Variants in MAP3K1 observed in about 807,000 individuals in gnomAD.
MAP3K1 encodes the protein mitogen-activated protein kinase kinase kinase 1.
A neutral mutation model predicts 144.2 loss-of-function variants in MAP3K1; 36 were observed. That is an observed-to-expected ratio of 0.25 (90% confidence interval 0.19 to 0.33). MAP3K1 has a LOEUF of 0.33. Among genes scored for constraint, MAP3K1 ranks in the 10% least tolerant of loss-of-function variants. MAP3K1 has a pLI of 1.00. For synonymous variants in MAP3K1, 718 were observed against 688.7 expected, an observed-to-expected ratio of 1.04 and a Z score of -0.67; for missense variants, 1,650 against 1,881.9, an observed-to-expected ratio of 0.88 and a Z score of 2.28.
chr5:56,819,112 A>G lies in MAP3K1; in HGVS notation c.482+3057A>G, dbSNP rs1746074564. 2.0e-5 allele frequency among the ~76,000 whole-genome samples: 3 copies of G among 152,326 alleles called. No individual in the cohort carries two copies. The South Asian group carries it at 6.2e-4, about 32-fold the overall frequency. ...TTAAATCAGATAAGAAAATTAATGC[A>G]TTCTTCAAAGATGAACCTTAATATA... On this transcript the variant is annotated intron_variant, in intron 1 of 19. Transcript: ENST00000399503.
chr5:56,884,146 CA>C (rs199695872), intron 15 of MAP3K1, among the ~76,000 whole-genome samples: 2 of 149,904 alleles, frequency 1.3e-5, no homozygotes, highest in Non-Finnish European at 3.0e-5. Context: ...AAGACTGTCT[CA>C]AAAAAAAATA....
intron 1 of MAP3K1, among the ~76,000 whole-genome samples, chr5:56,854,976 T>G (rs832565): frequency 0.77 from 117,717 of 152,118 alleles, 45,900 homozygotes; most frequent in Non-Finnish European, 0.82. Context: ...TGAATTTTTA[T>G]TATGCAGTCA....
intron 6 of MAP3K1, among the ~76,000 whole-genome samples, chr5:56,870,853 A>G (rs1288698874): frequency 6.6e-6 from 1 of 152,150 alleles, no homozygotes; most frequent in African/African-American, 2.4e-5. Flanking sequence ...ATCCTAGAAA[A>G]TAGGATTTTT....
chr5:56,858,672 A>G (rs1747411106), intron 2 of MAP3K1, among the ~76,000 whole-genome samples: 1 of 152,250 alleles, frequency 6.6e-6, no homozygotes, highest in Admixed American at 6.5e-5. Flanking sequence ...AATACATGAA[A>G]TATCACAAAG....
chr5:56,873,004 A>G lies in MAP3K1; in HGVS notation c.1685A>G (p.Gln562Arg), dbSNP rs757294454. The G allele has an allele frequency of 1.9e-6, 3 of 1,613,296 alleles. No individual in the cohort carries two copies. Among genetic ancestry groups the G allele is most frequent in the East Asian group, 2.2e-5 (1 of 44,838 alleles). The change falls in exon 9 of 20, where the codon CAG becomes CGG. Residue 562 changes from glutamine (Q) to arginine (R), a missense_variant and splice_region_variant. This residue lies in a region of MAP3K1 where 841 missense variants were observed against 886.5 expected (regional missense o/e 0.95). Transcript: ENST00000399503. ...AAAGATTTAGCTGAGCCATGGATTC[A>G]GGTAAGTAGTTCTTTGTTTTTCATT... ...AYKDLAEPWIQVFGMELVGCL... is the reference protein window; with the variant it reads ...AYKDLAEPWIRVFGMELVGCL...
intron 1 of MAP3K1, among the ~76,000 whole-genome samples, 174 bp downstream of exon 1, chr5:56,816,229 C>G (rs1235726616): frequency 6.6e-6 from 1 of 152,112 alleles, no homozygotes; most frequent in African/African-American, 2.4e-5. Context: ...GGGCGGCGCC[C>G]CGGACCCAGC....
intron 15 of MAP3K1, 23 bp from the exon 16 acceptor site, chr5:56,884,641 G>A: frequency 6.2e-7 from 1 of 1,612,668 alleles, no homozygotes; most frequent in Non-Finnish European, 8.5e-7. Context: ...GCAAAACTTT[G>A]TGAACGTGTT....
At chr5:56,858,044 C>T (rs898080333) in intron 2 of MAP3K1, among the ~76,000 whole-genome samples, 7 of 152,076 alleles carry the variant, frequency 4.6e-5, no homozygotes, top group Non-Finnish European at 8.8e-5. Flanking sequence ...TTTAGCTATT[C>T]GTGCCAGAAG....
Position 56,881,979 on chromosome 5 carries a change from A to G in MAP3K1, c.2779A>G (p.Ile927Val), listed in dbSNP as rs781412824. 7.4e-6 allele frequency: 12 copies of G among 1,613,910 alleles called. No homozygotes were observed. Among genetic ancestry groups the G allele is most frequent in the African/African-American group, 1.3e-5 (1 of 74,936 alleles). The change falls in exon 14 of 20, where the codon ATT becomes GTT. Residue 927 changes from isoleucine to valine, a missense_variant. Ile to Val is a conservative substitution (Grantham distance 29, BLOSUM62 3). Coordinates refer to ENST00000399503, the MANE Select transcript of MAP3K1 (RefSeq NM_005921.2). ...ATKLSASSED[I>V]SERLASISVG... Reference sequence around the variant, plus strand: ...AAAATTGAGTGCCAGTTCAGAGGACATTTCTGAGAGACTGGCCAGCATTTC... The same window carrying G: ...AAAATTGAGTGCCAGTTCAGAGGACGTTTCTGAGAGACTGGCCAGCATTTC...
chr5:56,833,145 C>G (rs967537550), intron 1 of MAP3K1, among the ~76,000 whole-genome samples: 31 of 152,222 alleles, frequency 2.0e-4, no homozygotes, highest in Non-Finnish European at 3.1e-4. Context: ...GCTGGGATTA[C>G]AGGCGTGAGC....
intron 2 of MAP3K1, among the ~76,000 whole-genome samples, chr5:56,859,242 C>T (rs1228394564): frequency 6.6e-6 from 1 of 151,884 alleles, no homozygotes; most frequent in Non-Finnish European, 1.5e-5. Flanking sequence ...AGTGATCAAA[C>T]TATTTGAAAT....
rs1415508381 is a variant in MAP3K1, at chr5:56,896,083, AC to A, written c.*2405del. The stretch of plus-strand genomic sequence containing the variant: ...TTAATTAAAATTTTTACCCCATTGA[AC>A]CGATTTTATAGTATTTGTACCTATT... On this transcript the variant is annotated 3_prime_UTR_variant, in exon 20 of 20. Coordinates refer to ENST00000399503, the MANE Select transcript of MAP3K1 (RefSeq NM_005921.2). 4.4e-6 allele frequency: 1 copy of A among 227,776 alleles called. No homozygotes were observed. The highest frequency in any genetic ancestry group is 2.2e-5 in the African/African-American group (1 of 45,042). The allele number at this position is 227,776 out of a possible 1,614,324, so 14.1% of individuals were successfully genotyped here.
At chr5:56,819,843 A>G (rs1746100822) in intron 1 of MAP3K1, among the ~76,000 whole-genome samples, 1 of 152,220 alleles carries the variant, frequency 6.6e-6, no homozygotes, top group African/African-American at 2.4e-5. Context: ...TAAAAGCTAA[A>G]GCAACTTAAA....
chr5:56,820,155 TTATA>T (rs891704725), intron 1 of MAP3K1, among the ~76,000 whole-genome samples: 5 of 152,088 alleles, frequency 3.3e-5, no homozygotes, highest in Admixed American at 6.5e-5. Context: ...ATTATATGTA[TTATA>T]TATATGTTTA....
In MAP3K1 at chr5:56,888,166, A is replaced by G. The variant is rs1748442913; in HGVS notation, c.4258-60A>G. The G allele has an allele frequency of 1.1e-5, 16 of 1,512,220 alleles. No homozygotes were observed. In the South Asian group the frequency reaches 1.7e-4, roughly 16 times the overall value. The allele number at this position is 1,512,220 out of a possible 1,614,324, so 93.7% of individuals were successfully genotyped here. A position where few individuals can be genotyped will look rare whatever the true frequency, so the allele number is the denominator to read the frequency against. ...GTAAGGAAGTAGAATCTATAACTAC[A>G]AAATGGCCTTCTCTTTTTCAAATGA... On this transcript the variant is annotated intron_variant, in intron 18 of 19. Transcript: ENST00000399503.
chr5:56,868,015 A>G (rs1031874226), intron 6 of MAP3K1, among the ~76,000 whole-genome samples: 2 of 152,226 alleles, frequency 1.3e-5, no homozygotes, highest in African/African-American at 4.8e-5. Context: ...ACCCAGTTTT[A>G]TATAGAAAAG....
intron 10 of MAP3K1, among the ~76,000 whole-genome samples, chr5:56,876,141 C>T (rs961724428): frequency 1.5e-5 from 2 of 134,204 alleles, no homozygotes; most frequent in Non-Finnish European, 3.0e-5. Flanking sequence ...AGCCTCAGTA[C>T]TATTAACATT....
intron 17 of MAP3K1, 85 bp from the exon 18 acceptor site, chr5:56,887,293 C>T (rs996394902): frequency 7.9e-6 from 10 of 1,260,130 alleles, no homozygotes; most frequent in Non-Finnish European, 1.2e-6. Flanking sequence ...TGTCATTGTC[C>T]TAGTTCATTA....
At chr5:56,849,303 T>G (rs1465157498) in intron 1 of MAP3K1, among the ~76,000 whole-genome samples, 3 of 151,546 alleles carry the variant, frequency 2.0e-5, no homozygotes, top group Admixed American at 2.0e-4. Context: ...GAGCCAAGAT[T>G]GCGCCACTGC....
Sources: allele counts gnomAD v4.1 joint callset (sites outside exome capture counted in the v4.1 genomes callset), GRCh38; gene constraint gnomAD v4.1.1; regional missense constraint gnomAD v4.1.1; transcripts MANE v1.5; gene names NCBI Gene and HGNC (gene_info 2026-07-23, HGNC 2026-07-21).